Variants in DSCAML1 observed in about 807,000 individuals in gnomAD.
DSCAML1 encodes cell adhesion molecule DSCAML1.
In DSCAML1, 38 loss-of-function variants were observed where a neutral mutation model predicts 200.5. The ratio of observed to expected loss-of-function variants is 0.19; its 90% CI spans 0.15 to 0.25. The LOEUF (loss-of-function observed/expected upper bound fraction) is 0.25, where lower values mean the gene tolerates loss of function less well. DSCAML1 is among the 10% of genes least tolerant of loss of function. DSCAML1 has a pLI of 1.00. For synonymous variants in DSCAML1, 1,215 were observed against 1,165.0 expected (o/e 1.04, Z -0.87); for missense variants, 2,223 against 2,858.8 (o/e 0.78, Z 5.07).
chr11:117,430,765 C>T lies in DSCAML1; in HGVS notation c.5643G>A (p.Arg1881=), dbSNP rs150573509. ...ASPPKPQDAD[R]GKNVAVPIPH... Reference sequence around the variant, plus strand: ...GGATGGGCACAGCCACGTTTTTGCCCCGGTCCGCATCCTGGGGCTTGGGTG... The same window carrying T: ...GGATGGGCACAGCCACGTTTTTGCCTCGGTCCGCATCCTGGGGCTTGGGTG... Residue 1881 remains arginine, a synonymous_variant, in exon 32 of 33, where the codon CGG becomes CGA. Transcript: ENST00000651296. 4.0e-4 allele frequency: 641 copies of T among 1,613,920 alleles called. 2 individuals carry two copies. The African/African-American group carries it at 7.3e-3, about 18-fold the overall frequency.
In DSCAML1 at chr11:117,465,063, G is replaced by A. The variant is rs760664175; in HGVS notation, c.3144C>T (p.Ser1048=). ...SIVEMKATGD[S]EVYTLDNLKK... is the part of the protein sequence containing the mutation. The stretch of plus-strand genomic sequence containing the variant: ...TGAGGTTGTCCAGGGTGTAGACCTC[G>A]CTGTCCCCCGTGGCCTTCATCTCCA... The change falls in exon 17 of 33, where the codon AGC becomes AGT. Residue 1048 remains serine, a synonymous_variant. Coordinates refer to ENST00000651296, the MANE Select transcript of DSCAML1 (RefSeq NM_020693.4). The A allele has an allele frequency of 4.7e-5, 76 of 1,613,988 alleles. No individual in the cohort carries two copies. In the Admixed American group the frequency reaches 8.5e-4, roughly 18 times the overall value.
chr11:117,468,886 C>T (rs1177736788), intron 16 of DSCAML1, among the ~76,000 whole-genome samples: 9 of 152,214 alleles, frequency 5.9e-5, no homozygotes, highest in Non-Finnish European at 1.2e-4. Context: ...ACTCAAGCAC[C>T]TGGGCTTTTC....
intron 3 of DSCAML1, among the ~76,000 whole-genome samples, chr11:117,688,355 G>A (rs547780263): frequency 6.6e-6 from 1 of 152,202 alleles, no homozygotes; most frequent in Admixed American, 6.5e-5. Flanking sequence ...CTGTGTTCTC[G>A]GGGATGGGCC....
chr11:117,636,235 C>A (rs2137582960), intron 3 of DSCAML1, among the ~76,000 whole-genome samples: 1 of 152,276 alleles, frequency 6.6e-6, no homozygotes, highest in East Asian at 1.9e-4. Flanking sequence ...CGAATTACAT[C>A]CATATGTCTC....
intron 19 of DSCAML1, 124 bp from the exon 20 acceptor site, chr11:117,450,812 G>A: frequency 8.4e-7 from 1 of 1,196,758 alleles, no homozygotes; most frequent in East Asian, 2.6e-5. Flanking sequence ...GCATCCTTGA[G>A]CTGTGGTTTA....
Position 117,433,232 on chromosome 11 carries a change from G to T in DSCAML1, c.4932C>A (p.Thr1644=). Residue 1644 remains threonine, a synonymous_variant, in exon 29 of 33, where the codon ACC becomes ACA. Transcript: ENST00000651296. ...GGCCCTGGGGTGGCCCTTTCACAGG[G>T]GTGTCAAAGCTTCTATTGTTCTTGC... ...LISKNNRSFD[T]PVKGPPQGPR... is the part of the protein sequence containing the mutation. 6.2e-7 allele frequency: 1 copy of T among 1,612,558 alleles called. No homozygotes were observed. Among genetic ancestry groups the T allele is most frequent in the East Asian group, 2.2e-5 (1 of 44,866 alleles).
chr11:117,466,762 T>C (rs1307915677), intron 16 of DSCAML1, among the ~76,000 whole-genome samples: 2 of 152,230 alleles, frequency 1.3e-5, no homozygotes, highest in Admixed American at 1.3e-4. Flanking sequence ...GAAAAAGCTC[T>C]GGAAGTGCTA....
chr11:117,696,820 C>G (rs1247387279), intron 3 of DSCAML1, among the ~76,000 whole-genome samples: 1 of 152,204 alleles, frequency 6.6e-6, no homozygotes, highest in Non-Finnish European at 1.5e-5. Flanking sequence ...CACTATTCAG[C>G]TCACTTCCAA....
At chr11:117,695,415 C>G (rs2137730532) in intron 3 of DSCAML1, among the ~76,000 whole-genome samples, 1 of 145,626 alleles carries the variant, frequency 6.9e-6, no homozygotes, top group African/African-American at 2.6e-5. Context: ...ATGGTAGGAA[C>G]TGCAGATGTG....
intron 3 of DSCAML1, among the ~76,000 whole-genome samples, chr11:117,634,148 G>C (rs2052228816): frequency 6.6e-6 from 1 of 152,198 alleles, no homozygotes; most frequent in South Asian, 2.1e-4. Context: ...GACTGTCACG[G>C]AGCATCAAGG....
intron 3 of DSCAML1, among the ~76,000 whole-genome samples, chr11:117,699,942 T>C (rs1356852926): frequency 6.6e-6 from 1 of 152,174 alleles, no homozygotes; most frequent in Admixed American, 6.5e-5. Flanking sequence ...AGGGGCAGCC[T>C]AAGCTGACAG....
At chr11:117,724,593 G>A (rs2054092223) in intron 3 of DSCAML1, among the ~76,000 whole-genome samples, 1 of 152,246 alleles carries the variant, frequency 6.6e-6, no homozygotes, top group Non-Finnish European at 1.5e-5. Flanking sequence ...CTTGAAGCGG[G>A]AACAACAGGC....
intron 5 of DSCAML1, among the ~76,000 whole-genome samples, chr11:117,523,821 T>C (rs2049923510): frequency 1.3e-5 from 2 of 152,236 alleles, no homozygotes; most frequent in Admixed American, 6.5e-5. Flanking sequence ...CTCTTTCCAC[T>C]GCCCACGTTG....
intron 3 of DSCAML1, among the ~76,000 whole-genome samples, chr11:117,538,443 C>G (rs970816766): frequency 2.6e-5 from 4 of 152,188 alleles, no homozygotes; most frequent in Non-Finnish European, 2.9e-5. Context: ...GCTGCCGGGC[C>G]CCCAGCGCCT....
At chr11:117,721,193 C>A (rs1023530835) in intron 3 of DSCAML1, among the ~76,000 whole-genome samples, 1 of 152,224 alleles carries the variant, frequency 6.6e-6, no homozygotes, top group African/African-American at 2.4e-5. Flanking sequence ...GCACCAAGCA[C>A]TATGCTAAAC....
In DSCAML1 at chr11:117,780,236, G is replaced by GAAAGAAAAAGAAAGAAAGAAAGAA. The variant is rs2055215440; in HGVS notation, c.364+256_364+257insTTCTTTCTTTCTTTCTTTTTCTTT. On this transcript the variant is annotated intron_variant, in intron 2 of 32. Coordinates refer to ENST00000651296, the MANE Select transcript of DSCAML1 (RefSeq NM_020693.4). The surrounding 1 kb of genome is among the most constrained non-coding windows in gnomAD (Gnocchi z 4.8). ...GAGAGAGAGAAAGAAAGAAAGGAAA[G>GAAAGAAAAAGAAAGAAAGAAAGAA]AAAGAAAGAAAGAAAGAAAGAAAGA... 1.9e-5 allele frequency among the ~76,000 whole-genome samples: 1 copy of GAAAGAAAAAGAAAGAAAGAAAGAA among 52,734 alleles called. No individual in the cohort carries two copies. Among genetic ancestry groups the GAAAGAAAAAGAAAGAAAGAAAGAA allele is most frequent in the Admixed American group, 1.9e-4 (1 of 5,180 alleles). 34.6% of individuals were successfully genotyped at this position (52,734 alleles called of 152,430 possible).
In DSCAML1 at chr11:117,435,683, G is replaced by T. The variant is rs774593557; in HGVS notation, c.4837C>A (p.Arg1613Ser). The change falls in exon 27 of 33, where the codon CGC becomes AGC. Residue 1613 changes from arginine to serine, a missense_variant. Arg to Ser is a moderately radical substitution (Grantham distance 110). Transcript: ENST00000651296. ...TLGVALLFIV[R>S]KKRKEKRLKR... Reference sequence around the variant, plus strand: ...AGCCGTTTCTCCTTCCTCTTCTTGCGTACGATGAAGAGCAGTGCCACCCCC... The same window carrying T: ...AGCCGTTTCTCCTTCCTCTTCTTGCTTACGATGAAGAGCAGTGCCACCCCC... 3.1e-6 allele frequency: 5 copies of T among 1,608,508 alleles called. No individual in the cohort carries two copies. Among genetic ancestry groups the T allele is most frequent in the Non-Finnish European group, 3.4e-6 (4 of 1,175,426 alleles).
At chr11:117,694,014 C>T (rs910426328) in intron 3 of DSCAML1, among the ~76,000 whole-genome samples, 83 of 149,314 alleles carry the variant, frequency 5.6e-4, no homozygotes, top group African/African-American at 9.3e-4. Flanking sequence ...CTTTGTGTAG[C>T]GGATAAGGGT....
chr11:117,688,703 T>G (rs957393292), intron 3 of DSCAML1, among the ~76,000 whole-genome samples: 1 of 152,208 alleles, frequency 6.6e-6, no homozygotes, highest in Non-Finnish European at 1.5e-5. Flanking sequence ...TAAAGGGCCA[T>G]GAAGAGAGGC....
Sources: allele counts gnomAD v4.1 joint callset (sites outside exome capture counted in the v4.1 genomes callset), GRCh38; gene constraint gnomAD v4.1.1; non-coding constraint Gnocchi (gnomAD v3.1); transcripts MANE v1.5; gene names NCBI Gene and HGNC (gene_info 2026-07-23, HGNC 2026-07-21).